The following AFG2A variants were observed in gnomAD, a reference collection of about 807,000 sequenced individuals.
AFG2A encodes the protein ATPase family gene 2 protein homolog A.
the AFG2A span, among the ~76,000 whole-genome samples, chr4:123,094,781 A>G: frequency 6.6e-6 from 1 of 151,934 alleles, no homozygotes; most frequent in Non-Finnish European, 1.5e-5. Context: ...CACCTAGACC[A>G]TTTTCTAGAA....
At chr4:123,026,133 GTGTA>G in the AFG2A span, among the ~76,000 whole-genome samples, 6 of 149,458 alleles carry the variant, frequency 4.0e-5, no homozygotes, top group African/African-American at 1.2e-4. Flanking sequence ...GTGTGTGTGT[GTGTA>G]TGTGTGTCTG....
At chr4:123,133,188 A>T in the AFG2A span, among the ~76,000 whole-genome samples, 6 of 152,214 alleles carry the variant, frequency 3.9e-5, no homozygotes, top group Non-Finnish European at 8.8e-5. Flanking sequence ...GTTCTGGGAT[A>T]TGCAGCCTAT....
chr4:123,064,636 A>G, the AFG2A span, among the ~76,000 whole-genome samples: 1 of 152,220 alleles, frequency 6.6e-6, no homozygotes. Context: ...GGGTTGGCCC[A>G]GTCTCCTCTG....
chr4:123,123,726 T>G, the AFG2A span, among the ~76,000 whole-genome samples: 2 of 151,158 alleles, frequency 1.3e-5, no homozygotes, highest in Non-Finnish European at 2.9e-5. Flanking sequence ...GACGGGTGGA[T>G]CACGAGGTCA....
the AFG2A span, among the ~76,000 whole-genome samples, chr4:123,222,643 T>C: frequency 2.0e-5 from 3 of 152,182 alleles, no homozygotes; most frequent in Non-Finnish European, 4.4e-5. Flanking sequence ...AGAACTTAAC[T>C]GAAGCATTGC....
the AFG2A span, among the ~76,000 whole-genome samples, chr4:122,955,504 A>G: frequency 3.3e-5 from 5 of 152,224 alleles, no homozygotes; most frequent in Non-Finnish European, 7.3e-5. Context: ...TACAAATGCA[A>G]TAACTTTTAC....
chr4:123,014,198 T>C, the AFG2A span, among the ~76,000 whole-genome samples: 6 of 152,200 alleles, frequency 3.9e-5, no homozygotes, highest in East Asian at 3.8e-4. Flanking sequence ...ATGGTAAGAA[T>C]TGCAGGAGTT....
the AFG2A span, among the ~76,000 whole-genome samples, chr4:123,279,334 C>A: frequency 2.0e-5 from 3 of 151,824 alleles, no homozygotes; most frequent in African/African-American, 7.3e-5. Context: ...CACTTGAACT[C>A]AGGAGGCAGA....
the AFG2A span, among the ~76,000 whole-genome samples, chr4:123,240,956 C>T: frequency 1.3e-5 from 2 of 152,080 alleles, no homozygotes; most frequent in African/African-American, 2.4e-5. Context: ...GGGATATCAC[C>T]ACCGATCCCA....
the AFG2A span, among the ~76,000 whole-genome samples, chr4:123,116,556 C>T: frequency 6.6e-6 from 1 of 152,048 alleles, no homozygotes; most frequent in Admixed American, 6.6e-5. Flanking sequence ...CATTGTTAGC[C>T]CAAGTAATGC....
chr4:123,233,532 A>G, the AFG2A span, among the ~76,000 whole-genome samples: 1 of 152,094 alleles, frequency 6.6e-6, no homozygotes, highest in East Asian at 1.9e-4. Flanking sequence ...AGCATCTATC[A>G]TCATAGCACT....
chr4:123,064,383 A>C, the AFG2A span, among the ~76,000 whole-genome samples: 10 of 152,226 alleles, frequency 6.6e-5, no homozygotes, highest in African/African-American at 2.4e-4. Context: ...TGCTTATTAC[A>C]TACTAGAAAC....
At chr4:123,246,201 G>C in the AFG2A span, among the ~76,000 whole-genome samples, 4 of 152,146 alleles carry the variant, frequency 2.6e-5, no homozygotes, top group Admixed American at 2.6e-4. Flanking sequence ...ATTGTCAAAA[G>C]GGGAAAGTGT....
the AFG2A span, among the ~76,000 whole-genome samples, chr4:123,281,344 G>A: frequency 2.6e-5 from 4 of 152,120 alleles, no homozygotes; most frequent in South Asian, 4.1e-4. Flanking sequence ...CAAAGATAGT[G>A]TGAATCATAT....
chr4:122,945,006 C>G, the AFG2A span, among the ~76,000 whole-genome samples: 1,828 of 152,230 alleles, frequency 0.012, 41 homozygotes, highest in African/African-American at 0.041. Flanking sequence ...AGTTTTGTCT[C>G]AGAGGAATAC....
At chr4:123,295,207 A>G in the AFG2A span, among the ~76,000 whole-genome samples, 1 of 152,220 alleles carries the variant, frequency 6.6e-6, no homozygotes, top group East Asian at 1.9e-4. Flanking sequence ...GCATGAAGCC[A>G]CTTGGAGATG....
chr4:122,962,031 C>G, the AFG2A span, among the ~76,000 whole-genome samples: 3 of 152,340 alleles, frequency 2.0e-5, no homozygotes, highest in East Asian at 5.8e-4. Context: ...TGAAACTGTT[C>G]CACCTCAGAT....
chr4:123,017,431 T>A, the AFG2A span, among the ~76,000 whole-genome samples: 1 of 142,666 alleles, frequency 7.0e-6, no homozygotes, highest in South Asian at 2.3e-4. Flanking sequence ...TTTTTTTTTT[T>A]TTTTTTTTTT....
chr4:123,297,591 C>T, the AFG2A span, among the ~76,000 whole-genome samples: 6 of 151,914 alleles, frequency 3.9e-5, no homozygotes, highest in African/African-American at 9.7e-5. Context: ...TGGTGGCGGG[C>T]GCCTGTAGTC....
Sources: gnomAD v4.1 joint callset for allele counts (sites outside exome capture counted in the v4.1 genomes callset) on GRCh38, gnomAD v4.1.1 for gene constraint, MANE v1.5 for transcripts, NCBI Gene and HGNC (gene_info 2026-07-23, HGNC 2026-07-21) for gene names.